Variants in RCAN1 observed in about 807,000 individuals in gnomAD.
The protein encoded by RCAN1 is regulator of calcineurin 1.
In RCAN1, 11 loss-of-function variants were observed where a neutral mutation model predicts 22.9. The observed-to-expected ratio is 0.48, with a 90% confidence interval of 0.30 to 0.79. The LOEUF is 0.79. Ranked by LOEUF, RCAN1 falls within the 30% of genes least tolerant of loss-of-function variation. The probability of loss-of-function intolerance (pLI) is 0.06; values close to 1 mark genes in which losing one functional copy is unlikely to be tolerated. For synonymous variants in RCAN1, 136 were observed against 142.3 expected (o/e 0.96, Z 0.32); for missense variants, 291 against 337.8 (o/e 0.86, Z 1.09).
Position 34,614,134 on chromosome 21 carries a change from G to T in RCAN1, c.252+626C>A. 2.8e-6 allele frequency: 2 copies of T among 724,772 alleles called. No homozygotes were observed. Among genetic ancestry groups the T allele is most frequent in the Non-Finnish European group, 3.6e-6 (2 of 562,398 alleles). The allele number at this position is 724,772 out of a possible 1,614,324, so 44.9% of individuals were successfully genotyped here. A position where few individuals can be genotyped will look rare whatever the true frequency, so the allele number is the denominator to read the frequency against. ...GACTCCCCATGTACTGGGTGTCCCC[G>T]ATGGCGGCAAGCCACACCTTCACAC... is the stretch of plus-strand genomic sequence containing the variant. On this transcript the variant is annotated intron_variant, in intron 1 of 3. Transcript: ENST00000313806. The surrounding 1 kb of genome is among the most constrained non-coding windows in gnomAD (Gnocchi z 6.0).
intron 1 of RCAN1, among the ~76,000 whole-genome samples, chr21:34,612,986 C>A (rs1040365220): frequency 1.3e-5 from 2 of 152,220 alleles, no homozygotes; most frequent in African/African-American, 4.8e-5. Context: ...GTTCACTTGC[C>A]TTTTTCCTAT....
chr21:34,532,619 G>C (rs1475757036), intron 1 of RCAN1, among the ~76,000 whole-genome samples: 2 of 152,210 alleles, frequency 1.3e-5, no homozygotes, highest in East Asian at 3.8e-4. Context: ...GTCATCCACT[G>C]CTTCTACTTT....
chr21:34,518,703 C>A lies in RCAN1; in HGVS notation c.587-447G>T, dbSNP rs960176591. ...GCTCCTATTTGAGGGTCGCAGTGCA[C>A]GCCCAGGAAGGGCGCCACAGGAGGC... On this transcript the variant is annotated intron_variant, in intron 3 of 3. Coordinates refer to ENST00000313806, the MANE Select transcript of RCAN1 (RefSeq NM_004414.7). The surrounding 1 kb of genome is among the most constrained non-coding windows in gnomAD (Gnocchi z 4.2). Among the ~76,000 whole-genome samples the A allele has an allele frequency of 6.6e-6, 1 of 152,190 alleles. No individual in the cohort carries two copies. Among genetic ancestry groups the A allele is most frequent in the Non-Finnish European group, 1.5e-5 (1 of 68,040 alleles).
intron 1 of RCAN1, among the ~76,000 whole-genome samples, chr21:34,549,233 G>T (rs1568901717): frequency 6.6e-6 from 1 of 152,202 alleles, no homozygotes; most frequent in Admixed American, 6.5e-5. Flanking sequence ...GCCCTCGAAG[G>T]CACCAGGTGA....
At chr21:34,561,297 A>T (rs1382638393) in intron 1 of RCAN1, among the ~76,000 whole-genome samples, 1 of 152,202 alleles carries the variant, frequency 6.6e-6, no homozygotes, top group Non-Finnish European at 1.5e-5. Context: ...TCATGATCAG[A>T]GTAAATACGG....
At chr21:34,520,507 GT>G in intron 3 of RCAN1, among the ~76,000 whole-genome samples, 1 of 152,212 alleles carries the variant, frequency 6.6e-6, no homozygotes, top group Non-Finnish European at 1.5e-5. Flanking sequence ...TTTGGACAAT[GT>G]TTTCAGAAAT....
intron 1 of RCAN1, among the ~76,000 whole-genome samples, chr21:34,613,560 A>G (rs1044683984): frequency 2.6e-5 from 4 of 152,204 alleles, no homozygotes; most frequent in African/African-American, 9.7e-5. Context: ...ACCTTGTTCT[A>G]GCAGAAAGAC....
intron 1 of RCAN1, among the ~76,000 whole-genome samples, chr21:34,601,166 A>G (rs1988327616): frequency 6.6e-6 from 1 of 152,240 alleles, no homozygotes; most frequent in Admixed American, 6.5e-5. Flanking sequence ...TGTGGCAGGC[A>G]CTGTCCCAGG....
intron 1 of RCAN1, among the ~76,000 whole-genome samples, chr21:34,533,115 C>T (rs374516109): frequency 5.1e-4 from 78 of 151,906 alleles, no homozygotes; most frequent in African/African-American, 8.7e-4. Context: ...TGCCCGCCAC[C>T]ACGCCCGGCT....
intron 1 of RCAN1, among the ~76,000 whole-genome samples, chr21:34,585,528 G>A (rs1307217123): frequency 1.3e-5 from 2 of 152,094 alleles, no homozygotes; most frequent in Non-Finnish European, 2.9e-5. Context: ...CGGATCACAA[G>A]GTCAGGAGAT....
At chr21:34,551,621 T>C (rs1986369748) in intron 1 of RCAN1, among the ~76,000 whole-genome samples, 1 of 140,270 alleles carries the variant, frequency 7.1e-6, no homozygotes, top group Non-Finnish European at 1.5e-5. Context: ...CTAGTGAACA[T>C]TCTTTTTTGA....
intron 3 of RCAN1, 88 bp downstream of exon 3, chr21:34,521,411 C>T: frequency 6.2e-7 from 1 of 1,602,188 alleles, no homozygotes; most frequent in East Asian, 2.2e-5. Context: ...CTCAGGAGAG[C>T]TACGGGGGTA....
At position 34,544,220 on chromosome 21, in the gene RCAN1, A is replaced by C. The variant is rs112919012; in HGVS notation, c.253-20510T>G. Among the ~76,000 whole-genome samples the C allele has an allele frequency of 1.4e-3, 211 of 152,296 alleles. 2 individuals are homozygous for C. Among genetic ancestry groups the C allele is most frequent in the African/African-American group, 4.8e-3 (201 of 41,576 alleles). Reference sequence around the variant, plus strand: ...GGACTCTGTGATGGATTCTGTTTCCACAGTTAGGTTATATTACCCTGGGAG... The same window carrying C: ...GGACTCTGTGATGGATTCTGTTTCCCCAGTTAGGTTATATTACCCTGGGAG... On this transcript the variant is annotated intron_variant, in intron 1 of 3. Transcript: ENST00000313806.
At position 34,523,641 on chromosome 21, in the gene RCAN1, G is replaced by A. The variant is rs751990816; in HGVS notation, c.322C>T (p.Arg108Ter). Residue 108 changes from arginine to a stop codon, truncating the protein, a stop_gained, in exon 2 of 4, where the codon CGA becomes TGA. Transcript: ENST00000313806. LOFTEE classifies it high-confidence loss of function. Reference sequence around the variant, plus strand: ...GGGTTGCTGAAGTTTATTCTGACTCGTTTGAAGCTCTTAAAATACTGAAAG... The same window carrying A: ...GGGTTGCTGAAGTTTATTCTGACTCATTTGAAGCTCTTAAAATACTGAAAG... ...ITFQYFKSFK[R>*]VRINFSNPFS... is the part of the protein sequence containing the mutation. The A allele has an allele frequency of 2.5e-6, 4 of 1,614,104 alleles. No individual in the cohort carries two copies. Among genetic ancestry groups the A allele is most frequent in the Non-Finnish European group, 3.4e-6 (4 of 1,180,006 alleles).
chr21:34,605,487 C>T (rs948194176), intron 1 of RCAN1, among the ~76,000 whole-genome samples: 2 of 152,162 alleles, frequency 1.3e-5, no homozygotes, highest in East Asian at 3.8e-4. Flanking sequence ...AAATACATGA[C>T]TGAAAGAATG....
chr21:34,526,892 A>G (rs753554798), intron 1 of RCAN1: 18 of 1,454,088 alleles, frequency 1.2e-5, no homozygotes, highest in Non-Finnish European at 1.6e-5. Flanking sequence ...GGAAAAAAAA[A>G]GTGCAGCTTC....
intron 1 of RCAN1, among the ~76,000 whole-genome samples, chr21:34,577,832 T>C (rs916760970): frequency 6.6e-6 from 1 of 151,432 alleles, no homozygotes; most frequent in Admixed American, 6.6e-5. Context: ...TATGTAGGAG[T>C]GAGAGGGAAG....
intron 1 of RCAN1, among the ~76,000 whole-genome samples, chr21:34,593,567 CCTGT>C (rs1234076464): frequency 3.9e-5 from 6 of 152,210 alleles, no homozygotes; most frequent in Admixed American, 6.5e-5. Context: ...ACCCACTTGG[CCTGT>C]CTCTTAGTCA....
rs1227155402 is a variant in RCAN1 at position 34,544,944 on chromosome 21, G to A, written c.253-21234C>T. 2.6e-5 allele frequency among the ~76,000 whole-genome samples: 4 copies of A among 152,184 alleles called. No homozygotes were observed. In the East Asian group the frequency reaches 7.7e-4, roughly 29 times the overall value. On this transcript the variant is annotated intron_variant, in intron 1 of 3. Transcript: ENST00000313806. ...GTGAACTCCAAGATCTATCCTTGAA[G>A]GCCAGGGAGTGGTTGAAAGATGGAG...
Sources: gnomAD v4.1 joint callset for allele counts (sites outside exome capture counted in the v4.1 genomes callset) on GRCh38, gnomAD v4.1.1 for gene constraint, Gnocchi (gnomAD v3.1) non-coding constraint, MANE v1.5 for transcripts, NCBI Gene and HGNC (gene_info 2026-07-23, HGNC 2026-07-21) for gene names.